Variants in CEP68 observed in about 807,000 individuals in gnomAD.
CEP68 encodes the protein centrosomal protein of 68 kDa.
CEP68 carries 26 observed loss-of-function variants against 55.3 expected under a neutral mutation model. That is an observed-to-expected ratio of 0.47 (90% CI 0.34 to 0.65). The LOEUF (loss-of-function observed/expected upper bound fraction) is 0.65, where lower values mean the gene tolerates loss of function less well. CEP68 is among the 30% of genes least tolerant of loss of function. CEP68 has a pLI of 0.01. For synonymous variants in CEP68, 402 were observed against 383.2 expected, an observed-to-expected ratio of 1.05 and a Z score of -0.57; for missense variants, 957 against 946.7, an observed-to-expected ratio of 1.01 and a Z score of -0.14.
chr2:65,076,818 A>T (rs1440159698), intron 4 of CEP68, among the ~76,000 whole-genome samples: 2 of 152,108 alleles, frequency 1.3e-5, no homozygotes, highest in Non-Finnish European at 2.9e-5. Flanking sequence ...TCATACCTGT[A>T]ATCCCAGTAC....
intron 1 of CEP68, among the ~76,000 whole-genome samples, chr2:65,067,154 GATTGC>G (rs1676229530): frequency 6.6e-6 from 1 of 151,766 alleles, no homozygotes; most frequent in African/African-American, 2.4e-5. Flanking sequence ...GAGGTGGGTG[GATTGC>G]CTGAGGTCAG....
chr2:65,073,429 CAA>C (rs1400260325), intron 3 of CEP68: 1 of 276,478 alleles, frequency 3.6e-6, no homozygotes, highest in Non-Finnish European at 7.1e-6. Flanking sequence ...GGTTTAAGTG[CAA>C]AGTTAGGGGC....
chr2:65,067,918 T>C (rs549717658), intron 1 of CEP68, among the ~76,000 whole-genome samples: 2 of 152,192 alleles, frequency 1.3e-5, no homozygotes, highest in South Asian at 4.2e-4. Context: ...GGAAGGGCCC[T>C]CTTGGATTCC....
At position 65,085,653 on chromosome 2, in the gene CEP68, A is replaced by C. The variant is rs1379502968; in HGVS notation, c.*2019A>C. 6.6e-6 allele frequency: 1 copy of C among 152,266 alleles called. No individual in the cohort carries two copies. The allele number at this position is 152,266 out of a possible 1,614,324, so 9.4% of individuals were successfully genotyped here. A position where few individuals can be genotyped will look rare whatever the true frequency, so the allele number is the denominator to read the frequency against. On this transcript the variant is annotated 3_prime_UTR_variant, in exon 7 of 7. Transcript: ENST00000377990. The stretch of plus-strand genomic sequence containing the variant: ...GAAACCCCATCTCTACTAAAAATAC[A>C]AAAAGAAATTAGCCAGGCGTGGTGA...
intron 3 of CEP68, 176 bp from the exon 4 acceptor site, chr2:65,074,106 A>G: frequency 3.1e-6 from 2 of 652,154 alleles, no homozygotes; most frequent in Non-Finnish European, 5.0e-6. Flanking sequence ...TGTGGTTTTC[A>G]TTGCTTTGGC....
At chr2:65,066,745 A>AAAAAAAAAAATAT (rs70943620) in intron 1 of CEP68, among the ~76,000 whole-genome samples, 1 of 58,408 alleles carries the variant, frequency 1.7e-5, no homozygotes, top group African/African-American at 8.8e-5. Context: ...AAAAAAAAAA[A>AAAAAAAAAAATAT]ATATATATAT....
At position 65,068,413 on chromosome 2, in the gene CEP68, T is replaced by C. The variant is rs578062108; in HGVS notation, c.-46-986T>C. ...CTCGCCTGCCTGCCTGCTGATTGGCTCTTGCTCTCATGTGCACACATGCTG... is the reference window on the plus strand; with the variant it reads ...CTCGCCTGCCTGCCTGCTGATTGGCCCTTGCTCTCATGTGCACACATGCTG... On this transcript the variant is annotated intron_variant, in intron 1 of 6. Coordinates refer to ENST00000377990, the MANE Select transcript of CEP68 (RefSeq NM_015147.3). Among the ~76,000 whole-genome samples, 12 of 152,284 alleles carry C rather than the reference T, an allele frequency of 7.9e-5. No individual in the cohort carries two copies. In the South Asian group the frequency reaches 2.3e-3, roughly 29 times the overall value.
intron 1 of CEP68, among the ~76,000 whole-genome samples, chr2:65,066,578 A>T (rs1676179780): frequency 6.6e-6 from 1 of 151,458 alleles, no homozygotes; most frequent in Admixed American, 6.6e-5. Context: ...AAATATAAAA[A>T]TTAGCCAGGT....
intron 4 of CEP68, 84 bp downstream of exon 4, chr2:65,074,488 C>T (rs1676665172): frequency 6.3e-7 from 1 of 1,583,920 alleles, no homozygotes; most frequent in East Asian, 2.2e-5. Context: ...CTCAAATAAC[C>T]AATGTCTGGT....
At chr2:65,060,367 C>G (rs1391620825) in intron 1 of CEP68, among the ~76,000 whole-genome samples, 1 of 152,114 alleles carries the variant, frequency 6.6e-6, no homozygotes, top group Non-Finnish European at 1.5e-5. Context: ...GAGTGGCAAT[C>G]TTAATAGTAT....
chr2:65,077,578 C>T (rs1180348527), intron 4 of CEP68, among the ~76,000 whole-genome samples: 3 of 152,150 alleles, frequency 2.0e-5, no homozygotes, highest in Middle Eastern at 3.2e-3. Context: ...GAGGTGAGGG[C>T]GCTAGAAGGA....
At chr2:65,075,437 C>T (rs916369021) in intron 4 of CEP68, among the ~76,000 whole-genome samples, 53 of 151,982 alleles carry the variant, frequency 3.5e-4, no homozygotes, top group African/African-American at 9.6e-4. Context: ...AGTTTGTGTG[C>T]GTGTGTATGT....
rs150735181 is a variant in CEP68 at position 65,071,789 on chromosome 2, C to G, written c.693C>G (p.Val231=). 4 of 1,610,796 alleles carry G rather than the reference C, an allele frequency of 2.5e-6. No homozygotes were observed. In the South Asian group the frequency reaches 4.4e-5, roughly 18 times the overall value. ...AGGTCTCCTCCTCCCTGGAGCCGGTCGTCCCCCAGGAACCTTCCTCTGTGG... is the reference window on the plus strand; with the variant it reads ...AGGTCTCCTCCTCCCTGGAGCCGGTGGTCCCCCAGGAACCTTCCTCTGTGG... The part of the protein sequence containing the change: ...LAKVSSSLEP[V]VPQEPSSVVG... Residue 231 remains valine, a synonymous_variant, in exon 3 of 7, where the codon GTC becomes GTG. Transcript: ENST00000377990.
chr2:65,061,553 C>G (rs567939239), intron 1 of CEP68, among the ~76,000 whole-genome samples: 2 of 152,346 alleles, frequency 1.3e-5, no homozygotes, highest in Admixed American at 1.3e-4. Context: ...TTCATTTTCA[C>G]TTTACTTTGA....
chr2:65,082,477 C>A, intron 5 of CEP68, 59 bp from the exon 6 acceptor site: 1 of 1,427,722 alleles, frequency 7.0e-7, no homozygotes, highest in Non-Finnish European at 9.3e-7. Flanking sequence ...AAAATGCTTA[C>A]TGGACAACAC....
chr2:65,079,704 AG>A (rs1382581735), intron 5 of CEP68, among the ~76,000 whole-genome samples: 2 of 152,234 alleles, frequency 1.3e-5, no homozygotes, highest in African/African-American at 4.8e-5. Flanking sequence ...TGAGATGGAT[AG>A]TTGTGGATTT....
At chr2:65,060,745 C>T (rs1295028135) in intron 1 of CEP68, among the ~76,000 whole-genome samples, 2 of 152,134 alleles carry the variant, frequency 1.3e-5, no homozygotes, top group Non-Finnish European at 2.9e-5. Flanking sequence ...CATATTCAGC[C>T]CTCAGCATCC....
intron 4 of CEP68, chr2:65,075,131 T>C (rs1676700828): frequency 6.6e-6 from 1 of 152,168 alleles, no homozygotes; most frequent in African/African-American, 2.4e-5. Context: ...TAAATAGAAA[T>C]CTAGGCCAGG....
chr2:65,059,673 T>A lies in CEP68; in HGVS notation c.-47+3145T>A, dbSNP rs1295659173. Among the ~76,000 whole-genome samples, 3 of 152,326 alleles carry A rather than the reference T, an allele frequency of 2.0e-5. No individual in the cohort carries two copies. In the East Asian group the frequency reaches 5.8e-4, roughly 29 times the overall value. Reference sequence around the variant, plus strand: ...CCCAAGGAATGGTTGTAAAGCTATTTTAGTTGTTCCTTCTCAGGGTGCTGA... The same window carrying A: ...CCCAAGGAATGGTTGTAAAGCTATTATAGTTGTTCCTTCTCAGGGTGCTGA... On this transcript the variant is annotated intron_variant, in intron 1 of 6. Coordinates refer to ENST00000377990, the MANE Select transcript of CEP68 (RefSeq NM_015147.3).
Sources: gnomAD v4.1 joint callset for allele counts (sites outside exome capture counted in the v4.1 genomes callset) on GRCh38, gnomAD v4.1.1 for gene constraint, MANE v1.5 for transcripts, NCBI Gene and HGNC (gene_info 2026-07-23, HGNC 2026-07-21) for gene names.